Variants in PRDM16 observed in about 807,000 individuals in gnomAD.
PRDM16 encodes the protein histone-lysine N-methyltransferase PRDM16.
A neutral mutation model predicts 110.6 loss-of-function variants in PRDM16; 23 were observed. The observed-to-expected ratio is 0.21, with a 90% CI of 0.15 to 0.29. PRDM16 has a LOEUF of 0.29. Among genes scored for constraint, PRDM16 ranks in the 10% least tolerant of loss-of-function variants. The pLI is 1.00. For missense variants in PRDM16, 1,615 were observed against 1,794.3 expected (o/e 0.90, Z 1.81); for synonymous variants, 799 against 781.8 (o/e 1.02, Z -0.37).
At chr1:3,346,196 T>G (rs935547912) in intron 3 of PRDM16, among the ~76,000 whole-genome samples, 16 of 152,264 alleles carry the variant, frequency 1.1e-4, no homozygotes, top group African/African-American at 3.9e-4. Context: ...ATATGGAAAC[T>G]GTTTATCAGG....
intron 3 of PRDM16, among the ~76,000 whole-genome samples, chr1:3,326,662 GC>G (rs1421671035): frequency 6.6e-6 from 1 of 152,212 alleles, no homozygotes. Flanking sequence ...GATTAGAGGA[GC>G]GGGGAACAGG....
At chr1:3,207,225 C>T (rs1480810015) in intron 2 of PRDM16, 3 of 152,226 alleles carry the variant, frequency 2.0e-5, no homozygotes, top group Admixed American at 1.3e-4. Flanking sequence ...GAAATAAATT[C>T]GCAGCTACAA....
chr1:3,335,491 G>A (rs1269091387), intron 3 of PRDM16, among the ~76,000 whole-genome samples: 9 of 152,102 alleles, frequency 5.9e-5, no homozygotes, highest in Non-Finnish European at 8.8e-5. Context: ...GGATTCTAAA[G>A]GGAGCAGAGT....
At chr1:3,204,078 G>T (rs1274116704) in intron 2 of PRDM16, among the ~76,000 whole-genome samples, 2 of 152,248 alleles carry the variant, frequency 1.3e-5, no homozygotes, top group Non-Finnish European at 2.9e-5. Flanking sequence ...CTCAGGGCCA[G>T]TGACATATGA....
intron 1 of PRDM16, among the ~76,000 whole-genome samples, chr1:3,173,138 G>A (rs1004585077): frequency 1.3e-5 from 2 of 152,162 alleles, no homozygotes; most frequent in Admixed American, 6.5e-5. Flanking sequence ...AGGGAGCCTC[G>A]GCTGTGATTC....
Position 3,427,068 on chromosome 1 carries a change from G to A in PRDM16, c.3284+843G>A, listed in dbSNP as rs139928496. ...ACATGCGTGACGGACAGCCGTGTGC[G>A]TACACCTAGAGACACATGTACACGC... is the stretch of plus-strand genomic sequence containing the variant. On this transcript the variant is annotated intron_variant, in intron 14 of 16. Coordinates refer to ENST00000270722, the MANE Select transcript of PRDM16 (RefSeq NM_022114.4). Among the ~76,000 whole-genome samples the A allele has an allele frequency of 1.3e-3, 199 of 152,382 alleles. 2 individuals are homozygous for A. Among genetic ancestry groups the A allele is most frequent in the African/African-American group, 4.7e-3 (194 of 41,590 alleles).
intron 3 of PRDM16, among the ~76,000 whole-genome samples, chr1:3,254,281 T>C (rs1008315518): frequency 6.6e-6 from 1 of 152,214 alleles, no homozygotes; most frequent in African/African-American, 2.4e-5. Flanking sequence ...ACCACTCCTA[T>C]TCAACATAGT....
chr1:3,188,371 C>CT (rs113512285), intron 2 of PRDM16, among the ~76,000 whole-genome samples: 2,060 of 151,650 alleles, frequency 0.014, 45 homozygotes, highest in African/African-American at 0.047. Flanking sequence ...TTTCTATTTG[C>CT]TTTTTTTTTA....
rs140573180 is a variant in PRDM16 at position 3,328,622 on chromosome 1, C to T, written c.439-56530C>T. 6.8e-3 allele frequency among the ~76,000 whole-genome samples: 1,038 copies of T among 152,212 alleles called. 6 individuals are homozygous for T. Among genetic ancestry groups the T allele is most frequent in the Non-Finnish European group, 0.012 (801 of 68,000 alleles). ...CCCATCAGAGGGTACAGCTGTCTCC[C>T]CTAGAACAGAGGCCTGAACAGATGC... is the stretch of plus-strand genomic sequence containing the variant. On this transcript the variant is annotated intron_variant, in intron 3 of 16. Transcript: ENST00000270722.
intron 1 of PRDM16, among the ~76,000 whole-genome samples, chr1:3,073,959 C>T (rs1405372143): frequency 6.6e-6 from 1 of 152,204 alleles, no homozygotes; most frequent in African/African-American, 2.4e-5. Context: ...GCCTGGGTTC[C>T]CTGCGACATC....
chr1:3,425,936 T>C lies in PRDM16; in HGVS notation c.3110-115T>C. The C allele has an allele frequency of 7.6e-7, 1 of 1,323,464 alleles. No homozygotes were observed. Among genetic ancestry groups the C allele is most frequent in the Non-Finnish European group, 1.0e-6 (1 of 977,460 alleles). The allele number at this position is 1,323,464 out of a possible 1,614,324, so 82.0% of individuals were successfully genotyped here. ...AGAACCTCGTGCTCTCCGGTGTCCCTAAGAAACCTGCCTCCCTAACAGCAC... is the reference window on the plus strand; with the variant it reads ...AGAACCTCGTGCTCTCCGGTGTCCCCAAGAAACCTGCCTCCCTAACAGCAC... On this transcript the variant is annotated intron_variant, in intron 13 of 16. Coordinates refer to ENST00000270722, the MANE Select transcript of PRDM16 (RefSeq NM_022114.4). This position sits in a 1 kb window ranked among gnomAD's most constrained non-coding sequence, Gnocchi z 6.9.
At chr1:3,160,797 C>T (rs796479506) in intron 1 of PRDM16, among the ~76,000 whole-genome samples, 5 of 152,336 alleles carry the variant, frequency 3.3e-5, no homozygotes, top group African/African-American at 1.2e-4. Flanking sequence ...ATGGGCGGGG[C>T]ACTGTTGCCA....
intron 1 of PRDM16, among the ~76,000 whole-genome samples, chr1:3,149,165 A>T (rs1203057718): frequency 1.3e-5 from 2 of 152,168 alleles, no homozygotes; most frequent in African/African-American, 2.4e-5. Flanking sequence ...GGTGGGGGGC[A>T]TGGAGCCTGG....
At chr1:3,232,774 G>T (rs776952556) in intron 2 of PRDM16, among the ~76,000 whole-genome samples, 1 of 152,130 alleles carries the variant, frequency 6.6e-6, no homozygotes, top group Admixed American at 6.5e-5. Context: ...ATCTTGAAAG[G>T]TTTCCCAAAC....
chr1:3,337,615 CA>C (rs1490169482), intron 3 of PRDM16, among the ~76,000 whole-genome samples: 4 of 152,168 alleles, frequency 2.6e-5, no homozygotes, highest in Non-Finnish European at 4.4e-5. Flanking sequence ...GCTGCTTGGC[CA>C]CTGCGGGGCC....
intron 1 of PRDM16, among the ~76,000 whole-genome samples, chr1:3,084,116 C>G (rs960780840): frequency 4.6e-5 from 7 of 152,202 alleles, no homozygotes; most frequent in Admixed American, 1.3e-4. Context: ...CTGTGGGCTC[C>G]CTGGAGGAGA....
chr1:3,155,449 AT>A (rs1643845460), intron 1 of PRDM16, among the ~76,000 whole-genome samples: 1 of 152,054 alleles, frequency 6.6e-6, no homozygotes, highest in Non-Finnish European at 1.5e-5. Context: ...CTGTACACAG[AT>A]TTGCACCGTG....
intron 3 of PRDM16, among the ~76,000 whole-genome samples, chr1:3,293,113 C>T (rs1641013778): frequency 6.6e-6 from 1 of 152,234 alleles, no homozygotes; most frequent in Admixed American, 6.5e-5. Context: ...ACCCTATATT[C>T]CACCCCAGCT....
intron 3 of PRDM16, among the ~76,000 whole-genome samples, chr1:3,338,620 C>T (rs1570100387): frequency 6.6e-6 from 1 of 152,322 alleles, no homozygotes; most frequent in Non-Finnish European, 1.5e-5. Flanking sequence ...GCCCCTCCAC[C>T]TCCGGCCTGA....
Sources: allele counts gnomAD v4.1 joint callset (sites outside exome capture counted in the v4.1 genomes callset), GRCh38; gene constraint gnomAD v4.1.1; non-coding constraint Gnocchi (gnomAD v3.1); transcripts MANE v1.5; gene names NCBI Gene and HGNC (gene_info 2026-07-23, HGNC 2026-07-21).